Variants in ACER2 observed in about 807,000 individuals in gnomAD.
The protein encoded by ACER2 is alkCDase 2.
In ACER2, 26 loss-of-function variants were observed where a neutral mutation model predicts 34.7. That is an observed-to-expected ratio of 0.75 (90% CI 0.55 to 1.04). The LOEUF (loss-of-function observed/expected upper bound fraction) is 1.04, where lower values mean the gene tolerates loss of function less well. Ranked by LOEUF, ACER2 falls within the 50% of genes least tolerant of loss-of-function variation. ACER2 has a pLI of 0.00. For missense variants in ACER2, 352 were observed against 340.8 expected, an observed-to-expected ratio of 1.03 and a Z score of -0.26; for synonymous variants, 138 against 132.1, an observed-to-expected ratio of 1.04 and a Z score of -0.31.
chr9:19,422,753 G>A (rs181555382), intron 1 of ACER2, among the ~76,000 whole-genome samples: 47 of 151,704 alleles, frequency 3.1e-4, no homozygotes, highest in African/African-American at 1.1e-3. Flanking sequence ...AAAAGCAGGC[G>A]GGCGCAGTGG....
At chr9:19,416,592 C>A (rs781744561) in intron 1 of ACER2, among the ~76,000 whole-genome samples, 18 of 150,210 alleles carry the variant, frequency 1.2e-4, no homozygotes, top group Admixed American at 4.0e-4. Flanking sequence ...ATGGTGTGAT[C>A]TCGGCTTACT....
intron 3 of ACER2, among the ~76,000 whole-genome samples, chr9:19,427,800 G>A (rs1300588501): frequency 6.6e-6 from 1 of 151,988 alleles, no homozygotes; most frequent in African/African-American, 2.4e-5. Flanking sequence ...CCGAGTAGCT[G>A]GGACTACAGG....
intron 4 of ACER2, among the ~76,000 whole-genome samples, chr9:19,436,128 G>A (rs567579491): frequency 1.6e-4 from 24 of 151,426 alleles, no homozygotes; most frequent in African/African-American, 5.1e-4. Context: ...ACTGTGCTCA[G>A]GGGTTCTCAA....
chr9:19,411,532 G>A (rs529169703), intron 1 of ACER2, among the ~76,000 whole-genome samples: 7 of 152,000 alleles, frequency 4.6e-5, no homozygotes, highest in East Asian at 3.9e-4. Context: ...CACCATGCCC[G>A]GCCTTCTTCC....
chr9:19,441,089 C>T (rs553345779), intron 4 of ACER2, among the ~76,000 whole-genome samples: 1 of 150,608 alleles, frequency 6.6e-6, no homozygotes, highest in Admixed American at 6.6e-5. Flanking sequence ...ACTGTGTCAC[C>T]CAGGCTGGAG....
At chr9:19,443,026 T>G (rs1831209641) in intron 4 of ACER2, among the ~76,000 whole-genome samples, 1 of 151,326 alleles carries the variant, frequency 6.6e-6, no homozygotes, top group African/African-American at 2.4e-5. Context: ...TTTTTAATTT[T>G]TAATTTTATT....
At chr9:19,418,059 A>G (rs975008979) in intron 1 of ACER2, among the ~76,000 whole-genome samples, 18 of 152,372 alleles carry the variant, frequency 1.2e-4, no homozygotes, top group Admixed American at 3.9e-4. Context: ...ACACTTCTCA[A>G]AAGAAGACAT....
In ACER2 at chr9:19,451,700, T is replaced by A. The variant is rs543117600; in HGVS notation, c.*1064T>A. 1 of 152,364 alleles carries A rather than the reference T, an allele frequency of 6.6e-6. No individual in the cohort carries two copies. Among genetic ancestry groups the A allele is most frequent in the East Asian group, 1.9e-4 (1 of 5,180 alleles). The allele number at this position is 152,364 out of a possible 1,614,324, so 9.4% of individuals were successfully genotyped here. On this transcript the variant is annotated 3_prime_UTR_variant, in exon 6 of 6. Coordinates refer to ENST00000340967, the MANE Select transcript of ACER2 (RefSeq NM_001010887.3). Reference sequence around the variant, plus strand: ...CCCACAGACCCACCATCTTTAAGACTTGACCTCTGTAAGTTTACCAAAGGG... The same window carrying A: ...CCCACAGACCCACCATCTTTAAGACATGACCTCTGTAAGTTTACCAAAGGG...
At position 19,423,981 on chromosome 9, in the gene ACER2, G is replaced by A. The variant is rs1325174230; in HGVS notation, c.223+5G>A. 1 of 1,603,946 alleles carries A rather than the reference G, an allele frequency of 6.2e-7. No homozygotes were observed. Among genetic ancestry groups the A allele is most frequent in the African/African-American group, 1.3e-5 (1 of 74,808 alleles). On this transcript the variant is annotated splice_donor_5th_base_variant and intron_variant, in intron 2 of 5. Transcript: ENST00000340967. Reference sequence around the variant, plus strand: ...GGACTCTTTTGGTTGTAGTGGGTAAGTGGAGTCATTTGGGAACACGGACTT... The same window carrying A: ...GGACTCTTTTGGTTGTAGTGGGTAAATGGAGTCATTTGGGAACACGGACTT...
rs538354234 is a variant in ACER2, at chr9:19,418,740, T to C, written c.109-5122T>C. ...GGATAGCATTAGGAGAAATACCTAA[T>C]GTAGATGATGGGTTGATGGGTGCAG... On this transcript the variant is annotated intron_variant, in intron 1 of 5. Transcript: ENST00000340967. 3.4e-4 allele frequency among the ~76,000 whole-genome samples: 51 copies of C among 152,226 alleles called. 1 individual carries two copies. Among genetic ancestry groups the C allele is most frequent in the Non-Finnish European group, 4.1e-4 (28 of 68,000 alleles).
At chr9:19,419,053 T>C (rs1470444554) in intron 1 of ACER2, among the ~76,000 whole-genome samples, 2 of 152,008 alleles carry the variant, frequency 1.3e-5, no homozygotes, top group Non-Finnish European at 2.9e-5. Context: ...TAGCTGGGCA[T>C]GGTGGCTCAT....
At chr9:19,415,564 TA>T (rs1402583640) in intron 1 of ACER2, among the ~76,000 whole-genome samples, 2 of 152,196 alleles carry the variant, frequency 1.3e-5, no homozygotes, top group East Asian at 3.9e-4. Context: ...AAGTTTTACA[TA>T]TCATAATTTT....
chr9:19,421,048 C>T (rs1830389870), intron 1 of ACER2, among the ~76,000 whole-genome samples: 1 of 152,106 alleles, frequency 6.6e-6, no homozygotes, highest in South Asian at 2.1e-4. Context: ...TATGGTATGG[C>T]CTATTGCTCA....
At chr9:19,446,132 A>G (rs1831350996) in intron 4 of ACER2, 149 bp from the exon 5 acceptor site, 2 of 1,098,580 alleles carry the variant, frequency 1.8e-6, no homozygotes, top group Non-Finnish European at 2.8e-6. Context: ...CATCCATGAG[A>G]CTGTGGAGTG....
At chr9:19,438,186 G>C (rs750727495) in intron 4 of ACER2, among the ~76,000 whole-genome samples, 2 of 152,196 alleles carry the variant, frequency 1.3e-5, no homozygotes, top group Non-Finnish European at 2.9e-5. Flanking sequence ...AGGTCTTACT[G>C]TCCTTATTTG....
intron 5 of ACER2, among the ~76,000 whole-genome samples, chr9:19,447,395 C>T (rs1831406918): frequency 1.3e-5 from 2 of 152,090 alleles, no homozygotes; most frequent in African/African-American, 2.4e-5. Context: ...TGAGACCCAC[C>T]CTACTCTAAA....
rs185678183 is a variant in ACER2 at position 19,450,360 on chromosome 9, G to A, written c.642-90G>A. On this transcript the variant is annotated intron_variant, in intron 5 of 5. Transcript: ENST00000340967. ...GCTGCAACTACAGTCAGCAAGGTGC[G>A]TGGGTTAGACCGGAAGAAGGAGCAG... 66 of 1,421,980 alleles carry A rather than the reference G, an allele frequency of 4.6e-5. No homozygotes were observed. In the East Asian group the frequency reaches 1.4e-3, roughly 30 times the overall value. 88.1% of individuals were successfully genotyped at this position (1,421,980 alleles called of 1,614,324 possible).
intron 4 of ACER2, among the ~76,000 whole-genome samples, chr9:19,443,801 C>G (rs1831239634): frequency 6.6e-6 from 1 of 152,058 alleles, no homozygotes; most frequent in South Asian, 2.1e-4. Flanking sequence ...GGATTACAGG[C>G]ATGTGCCACC....
intron 3 of ACER2, among the ~76,000 whole-genome samples, chr9:19,433,790 C>G (rs1830842976): frequency 6.7e-6 from 1 of 148,710 alleles, no homozygotes; most frequent in South Asian, 2.1e-4. Context: ...GGGGCTGACC[C>G]CCCCACCTCC....
Sources: gnomAD v4.1 joint callset for allele counts (sites outside exome capture counted in the v4.1 genomes callset) on GRCh38, gnomAD v4.1.1 for gene constraint, MANE v1.5 for transcripts, NCBI Gene and HGNC (gene_info 2026-07-23, HGNC 2026-07-21) for gene names.